Variants in SMYD3 observed in about 807,000 individuals in gnomAD.
SMYD3 encodes the protein SET and MYND domain containing 3.
SMYD3 carries 36 observed loss-of-function variants against 57.7 expected under a neutral mutation model. That is an observed-to-expected ratio of 0.62 (90% CI 0.48 to 0.82). SMYD3 has a LOEUF of 0.82. Among genes scored for constraint, SMYD3 ranks in the 40% least tolerant of loss-of-function variants. The pLI, the probability that SMYD3 is intolerant of heterozygous loss-of-function variation, is 0.00. For missense variants in SMYD3, 515 were observed against 538.8 expected, an observed-to-expected ratio of 0.96 and a Z score of 0.44; for synonymous variants, 211 against 195.0, an observed-to-expected ratio of 1.08 and a Z score of -0.68.
At chr1:245,954,631 T>C (rs947274220) in intron 5 of SMYD3, among the ~76,000 whole-genome samples, 37 of 145,970 alleles carry the variant, frequency 2.5e-4, no homozygotes, top group African/African-American at 1.0e-3. Context: ...TGAGCCAATA[T>C]AGCACCACTG....
chr1:245,849,747 G>T (rs1195162109), intron 10 of SMYD3, among the ~76,000 whole-genome samples: 3 of 152,106 alleles, frequency 2.0e-5, no homozygotes, highest in African/African-American at 7.2e-5. Context: ...TGACCTCCCA[G>T]ACTCAAGCGA....
chr1:246,390,964 G>T lies in SMYD3; in HGVS notation c.165-35870C>A, dbSNP rs151195222. On this transcript the variant is annotated intron_variant, in intron 1 of 11. Transcript: ENST00000490107. ...TAGAAGAACAGAGGAAGACAAAAAA[G>T]ACATCAAACCTATAGAAAACAAAAA... 5.2e-3 allele frequency among the ~76,000 whole-genome samples: 788 copies of T among 152,104 alleles called. 2 individuals are homozygous for T. The highest frequency in any genetic ancestry group is 7.4e-3 in the Non-Finnish European group (505 of 67,972).
At chr1:246,142,335 T>C (rs142178922) in intron 5 of SMYD3, among the ~76,000 whole-genome samples, 1,558 of 152,314 alleles carry the variant, frequency 0.01, 17 homozygotes, top group Non-Finnish European at 0.017. Flanking sequence ...CTGTAGATCT[T>C]AGCAACCTCA....
intron 5 of SMYD3, among the ~76,000 whole-genome samples, chr1:246,256,249 C>T (rs968880600): frequency 8.5e-5 from 13 of 152,118 alleles, no homozygotes; most frequent in African/African-American, 2.7e-4. Context: ...GTTTTATATT[C>T]CCTGAGAGCT....
At chr1:245,905,999 G>C (rs190131813) in intron 8 of SMYD3, among the ~76,000 whole-genome samples, 4 of 152,074 alleles carry the variant, frequency 2.6e-5, no homozygotes, top group African/African-American at 9.7e-5. Context: ...AAAATCAAAT[G>C]GATTAAAGAC....
chr1:246,037,995 C>G (rs547207038), intron 5 of SMYD3, among the ~76,000 whole-genome samples: 53 of 152,282 alleles, frequency 3.5e-4, no homozygotes, highest in African/African-American at 1.1e-3. Flanking sequence ...GTGAAAGCAG[C>G]CACAAACAAT....
intron 1 of SMYD3, among the ~76,000 whole-genome samples, chr1:246,372,343 T>C (rs546199954): frequency 3.2e-4 from 49 of 152,344 alleles, no homozygotes; most frequent in African/African-American, 1.1e-3. Context: ...CAAACACCCA[T>C]CTGAGTTTGA....
chr1:245,833,073 A>AAAAAAAAAAAAAAAAAAAAACACAAC lies in SMYD3; in HGVS notation c.1076+25422_1076+25423insGTTGTGTTTTTTTTTTTTTTTTTTTT. On this transcript the variant is annotated intron_variant, in intron 10 of 11. Transcript: ENST00000490107. ...GGAATATGTGACAAAAAAAAAAAAAAAACCTGCTTTTATAATGCTGATTCA... is the reference window on the plus strand; with the variant it reads ...GGAATATGTGACAAAAAAAAAAAAAAAAAAAAAAAAAAAAAAAAAACACAACAACCTGCTTTTATAATGCTGATTCA... Among the ~76,000 whole-genome samples, 746 of 128,298 alleles carry AAAAAAAAAAAAAAAAAAAAACACAAC rather than the reference A, an allele frequency of 5.8e-3. 34 individuals carry two copies. The highest frequency in any genetic ancestry group is 0.016 in the East Asian group (47 of 2,954). 84.2% of individuals were successfully genotyped at this position (128,298 alleles called of 152,430 possible). A position where few individuals can be genotyped will look rare whatever the true frequency, so the allele number is the denominator to read the frequency against.
At chr1:246,124,417 A>C (rs968629945) in intron 5 of SMYD3, among the ~76,000 whole-genome samples, 17 of 152,220 alleles carry the variant, frequency 1.1e-4, no homozygotes, top group African/African-American at 4.1e-4. Flanking sequence ...GTTTTTTTTA[A>C]GGTTTTATCA....
intron 5 of SMYD3, among the ~76,000 whole-genome samples, chr1:245,947,598 T>C (rs181548792): frequency 4.9e-4 from 75 of 152,296 alleles, no homozygotes; most frequent in African/African-American, 1.5e-3. Flanking sequence ...TACCAGAATT[T>C]ACCAGAAAGC....
intron 8 of SMYD3, among the ~76,000 whole-genome samples, chr1:245,867,976 C>T (rs2051972834): frequency 6.6e-6 from 1 of 152,224 alleles, no homozygotes; most frequent in African/African-American, 2.4e-5. Context: ...TAACTGTAAG[C>T]TCTTTAGAGC....
intron 5 of SMYD3, among the ~76,000 whole-genome samples, chr1:245,970,338 G>C (rs1169254442): frequency 6.6e-5 from 10 of 152,112 alleles, no homozygotes. Context: ...TTCAATGTTA[G>C]GCCTAAAACC....
intron 1 of SMYD3, among the ~76,000 whole-genome samples, chr1:246,408,882 T>C (rs1363623038): frequency 6.6e-6 from 1 of 151,998 alleles, no homozygotes; most frequent in Non-Finnish European, 1.5e-5. Flanking sequence ...GTTGGCCAGG[T>C]TGGTCTCAAA....
At chr1:246,420,052 A>G (rs2067119281) in intron 1 of SMYD3, among the ~76,000 whole-genome samples, 1 of 152,170 alleles carries the variant, frequency 6.6e-6, no homozygotes, top group African/African-American at 2.4e-5. Flanking sequence ...TATAAAAATT[A>G]GCCAGGTGTG....
chr1:246,149,491 T>A (rs2061908841), intron 5 of SMYD3, among the ~76,000 whole-genome samples: 1 of 152,216 alleles, frequency 6.6e-6, no homozygotes, highest in South Asian at 2.1e-4. Context: ...AGTGATAATT[T>A]TTTTTCCTTT....
chr1:246,286,544 G>T (rs1258655310), intron 5 of SMYD3, among the ~76,000 whole-genome samples: 1 of 152,158 alleles, frequency 6.6e-6, no homozygotes, highest in Non-Finnish European at 1.5e-5. Context: ...CAGAAAATTA[G>T]TGCTAGTTTT....
intron 5 of SMYD3, among the ~76,000 whole-genome samples, chr1:246,045,928 C>T (rs1423369603): frequency 6.6e-6 from 1 of 152,146 alleles, no homozygotes; most frequent in Admixed American, 6.5e-5. Context: ...CAATGAGATA[C>T]CATCTCACAC....
chr1:246,008,524 T>C (rs1018652555), intron 5 of SMYD3, among the ~76,000 whole-genome samples: 3 of 152,186 alleles, frequency 2.0e-5, no homozygotes, highest in Middle Eastern at 3.2e-3. Context: ...CTGGAGGGCA[T>C]AAGAGCTGTA....
chr1:246,379,653 A>G (rs956609873), intron 1 of SMYD3, among the ~76,000 whole-genome samples: 1 of 152,254 alleles, frequency 6.6e-6, no homozygotes, highest in Non-Finnish European at 1.5e-5. Context: ...TATGAATACA[A>G]TAACAATGAA....
Sources: gnomAD v4.1 joint callset for allele counts (sites outside exome capture counted in the v4.1 genomes callset) on GRCh38, gnomAD v4.1.1 for gene constraint, MANE v1.5 for transcripts, NCBI Gene and HGNC (gene_info 2026-07-23, HGNC 2026-07-21) for gene names.